The following ABI3BP variants were observed in gnomAD, a reference collection of about 807,000 sequenced individuals.
ABI3BP encodes ABI family member 3 binding protein.
Under a neutral mutation model 268.6 loss-of-function variants are expected in ABI3BP, and 216 were observed. The observed-to-expected ratio is 0.80, with a 90% CI of 0.72 to 0.90. ABI3BP has a LOEUF of 0.90. ABI3BP is among the 40% of genes least tolerant of loss of function. The pLI is 0.00. For missense variants in ABI3BP, 2,090 were observed against 2,182.4 expected (o/e 0.96, Z 0.84); for synonymous variants, 730 against 730.0 (o/e 1.00, Z 0.00).
chr3:100,958,618 AAAAC>A (rs1397835978), intron 1 of ABI3BP, among the ~76,000 whole-genome samples: 1 of 37,384 alleles, frequency 2.7e-5, no homozygotes, highest in Non-Finnish European at 5.2e-5. Context: ...AGCAAGAAAG[AAAAC>A]AAACAACCAC....
intron 30 of ABI3BP, 34 bp from the exon 31 acceptor site, chr3:100,832,384 T>C (rs1010890334): frequency 6.6e-7 from 1 of 1,503,916 alleles, no homozygotes; most frequent in Admixed American, 2.0e-5. Context: ...AATATGGTGC[T>C]GATGGCTCCA....
At position 100,770,606 on chromosome 3, in the gene ABI3BP, T is replaced by TA. The variant is rs559659146; in HGVS notation, c.4741+136dup. ...TGACATTGTTGACAATAATGTGCCT[T>TA]AAAGGCAGCAAAACTGCTAGTTTTG... On this transcript the variant is annotated intron_variant, in intron 62 of 67. Coordinates refer to ENST00000471714, the MANE Select transcript of ABI3BP (RefSeq NM_001375547.2). The TA allele has an allele frequency of 7.1e-4, 492 of 692,616 alleles. 1 individual carries two copies. In the African/African-American group the frequency reaches 7.3e-3, roughly 10 times the overall value. The allele number at this position is 692,616 out of a possible 1,614,324, so 42.9% of individuals were successfully genotyped here.
chr3:100,753,864 T>C lies in ABI3BP; in HGVS notation c.4931-16A>G, dbSNP rs368024384. 6.2e-7 allele frequency: 1 copy of C among 1,605,382 alleles called. No homozygotes were observed. Among genetic ancestry groups the C allele is most frequent in the East Asian group, 2.2e-5 (1 of 44,610 alleles). On this transcript the variant is annotated splice_polypyrimidine_tract_variant and intron_variant, in intron 64 of 67. Coordinates refer to ENST00000471714, the MANE Select transcript of ABI3BP (RefSeq NM_001375547.2). ...CTTGGGTCCGCTGAGGAGAAATAAATAGAAAAGTCAGACCTTACTAGGTAA... is the reference window on the plus strand; with the variant it reads ...CTTGGGTCCGCTGAGGAGAAATAAACAGAAAAGTCAGACCTTACTAGGTAA...
At chr3:100,851,537 C>A (rs1441669598) in intron 15 of ABI3BP, among the ~76,000 whole-genome samples, 1 of 152,098 alleles carries the variant, frequency 6.6e-6, no homozygotes, top group Non-Finnish European at 1.5e-5. Context: ...AAAATTACCC[C>A]CCATTTGAGA....
intron 1 of ABI3BP, among the ~76,000 whole-genome samples, chr3:100,963,935 G>T (rs1480287653): frequency 6.6e-6 from 1 of 152,246 alleles, no homozygotes; most frequent in Non-Finnish European, 1.5e-5. Context: ...TCCCAGGCTA[G>T]AGATGGTTTC....
intron 14 of ABI3BP, among the ~76,000 whole-genome samples, chr3:100,861,590 T>A (rs2098999242): frequency 6.6e-6 from 1 of 152,134 alleles, no homozygotes; most frequent in South Asian, 2.1e-4. Context: ...TTTAGTTGAC[T>A]GCTAGGCAAT....
chr3:100,988,719 G>C (rs992933542), intron 1 of ABI3BP, among the ~76,000 whole-genome samples: 12 of 152,212 alleles, frequency 7.9e-5, no homozygotes, highest in African/African-American at 2.9e-4. Flanking sequence ...TCCACAAGCT[G>C]GTCAGCTCCC....
At chr3:100,812,156 G>A (rs990239323) in intron 46 of ABI3BP, among the ~76,000 whole-genome samples, 2 of 151,984 alleles carry the variant, frequency 1.3e-5, no homozygotes, top group African/African-American at 4.8e-5. Context: ...CAAAAGCACG[G>A]GATGAATCCT....
At chr3:100,853,699 C>A (rs1417621275) in intron 14 of ABI3BP, among the ~76,000 whole-genome samples, 3 of 152,168 alleles carry the variant, frequency 2.0e-5, no homozygotes, top group Non-Finnish European at 4.4e-5. Context: ...TCTTTTCAAT[C>A]AGGAGGCTCC....
At chr3:100,882,278 G>A (rs1270808654) in intron 6 of ABI3BP, among the ~76,000 whole-genome samples, 1 of 151,864 alleles carries the variant, frequency 6.6e-6, no homozygotes, top group African/African-American at 2.4e-5. Flanking sequence ...GAATAATTGG[G>A]TATACACTTC....
At chr3:100,886,675 A>C (rs1479346088) in intron 4 of ABI3BP, among the ~76,000 whole-genome samples, 1 of 151,912 alleles carries the variant, frequency 6.6e-6, no homozygotes. Flanking sequence ...ATAGAGTAGA[A>C]CATAGGTGCC....
chr3:100,819,540 G>A (rs1170179640), intron 40 of ABI3BP, among the ~76,000 whole-genome samples: 2 of 152,130 alleles, frequency 1.3e-5, no homozygotes, highest in East Asian at 3.8e-4. Context: ...TAGCCTCACA[G>A]TTGTTGATGT....
At chr3:100,931,696 G>T (rs1255352849) in intron 1 of ABI3BP, among the ~76,000 whole-genome samples, 1 of 151,966 alleles carries the variant, frequency 6.6e-6, no homozygotes, top group African/African-American at 2.4e-5. Context: ...ACTGCTGAAA[G>T]AAATCAAAGA....
intron 10 of ABI3BP, 46 bp downstream of exon 10, chr3:100,866,833 A>G (rs577673734): frequency 6.6e-7 from 1 of 1,520,176 alleles, no homozygotes; most frequent in Admixed American, 1.8e-5. Flanking sequence ...TTTGAAAAAA[A>G]GCATTTTTTC....
chr3:100,912,687 T>A (rs1433377679), intron 2 of ABI3BP, among the ~76,000 whole-genome samples: 1 of 152,202 alleles, frequency 6.6e-6, no homozygotes, highest in Non-Finnish European at 1.5e-5. Flanking sequence ...ATCCTCTAGC[T>A]CTTGACATTT....
Position 100,817,442 on chromosome 3 carries a change from T to C in ABI3BP, c.3142A>G (p.Thr1048Ala). The C allele has an allele frequency of 1.3e-6, 2 of 1,512,156 alleles. No homozygotes were observed. The highest frequency in any genetic ancestry group is 1.4e-5 in the African/African-American group (1 of 72,690). 93.7% of individuals were successfully genotyped at this position (1,512,156 alleles called of 1,614,324 possible). ...DTFRTKFPETTLAPKTQRTRR... is the reference protein window; with the variant it reads ...DTFRTKFPETALAPKTQRTRR... ...GAACACAGAATATCATTACCTAACG[T>C]TGTTTCTGGAAACTTGGTTCTAAAA... The change falls in exon 42 of 68, where the codon ACG becomes GCG. Residue 1048 changes from threonine to alanine, a missense_variant. Physicochemically the swap from Thr to Ala is moderately conservative, Grantham distance 58 (BLOSUM62 0). Transcript: ENST00000471714.
chr3:100,792,476 A>T (rs2097222075), intron 55 of ABI3BP, among the ~76,000 whole-genome samples: 1 of 151,806 alleles, frequency 6.6e-6, no homozygotes, highest in South Asian at 2.1e-4. Context: ...ACAATACATT[A>T]AAAAAAGTAA....
intron 1 of ABI3BP, 34 bp from the exon 2 acceptor site, chr3:100,926,515 A>G: frequency 6.3e-7 from 1 of 1,592,048 alleles, no homozygotes; most frequent in South Asian, 1.1e-5. Flanking sequence ...GATGGCTGTT[A>G]CTTCCCCTTT....
chr3:100,778,768 GTAT>G (rs2096785005), intron 58 of ABI3BP: 1 of 181,698 alleles, frequency 5.5e-6, no homozygotes, highest in Non-Finnish European at 1.1e-5. Flanking sequence ...ATTGCATTAG[GTAT>G]TATAATGGAA....
Sources: allele counts gnomAD v4.1 joint callset (sites outside exome capture counted in the v4.1 genomes callset), GRCh38; gene constraint gnomAD v4.1.1; transcripts MANE v1.5; gene names NCBI Gene and HGNC (gene_info 2026-07-23, HGNC 2026-07-21).